The following NDUFA1 variants were observed in gnomAD, a reference collection of about 807,000 sequenced individuals.
The protein encoded by NDUFA1 is NADH dehydrogenase [ubiquinone] 1 alpha subcomplex subunit 1.
For synonymous variants in NDUFA1, 21 were observed against 20.0 expected, an observed-to-expected ratio of 1.05 and a Z score of -0.14; for missense variants, 42 against 56.0, an observed-to-expected ratio of 0.75 and a Z score of 0.80.
chrX:119,872,084 G>A (rs2056415305), intron 1 of NDUFA1, 71 bp downstream of exon 1: 2 of 1,025,745 alleles, frequency 1.9e-6, no homozygotes, highest in Admixed American at 2.2e-5. Context: ...CAGGGAGACC[G>A]TCAGCCTGCG....
chrX:119,876,654 T>A lies in NDUFA1; in HGVS notation c.*120T>A. ...TATGTAGTGCTTAATAAAAATAAAA[T>A]GAAAAAAATGCATTTCTTTTTTTTA... On this transcript the variant is annotated 3_prime_UTR_variant, in exon 3 of 3. Coordinates refer to ENST00000371437, the MANE Select transcript of NDUFA1 (RefSeq NM_004541.4). 1 of 659,977 alleles carries A rather than the reference T, an allele frequency of 1.5e-6. No homozygotes were observed. Among genetic ancestry groups the A allele is most frequent in the Admixed American group, 2.8e-5 (1 of 35,260 alleles). The allele number at this position is 659,977 out of a possible 1,213,427, so 54.4% of individuals were successfully genotyped here. A position where few individuals can be genotyped will look rare whatever the true frequency, so the allele number is the denominator to read the frequency against.
Position 119,876,547 on chromosome X carries a change from C to CTGAT in NDUFA1, c.*18_*21dup, listed in dbSNP as rs1303806818. 1 of 1,205,432 alleles carries CTGAT rather than the reference C, an allele frequency of 8.3e-7. No homozygotes were observed. The highest frequency in any genetic ancestry group is 3.0e-5 in the East Asian group (1 of 33,768). Reference sequence around the variant, plus strand: ...GAACATTGATTAAGGAAGCATTTTCCTGATTGATGAAAAAAATAACTCAGT... The same window carrying CTGAT: ...GAACATTGATTAAGGAAGCATTTTCCTGATTGATTGATGAAAAAAATAACTCAGT... On this transcript the variant is annotated 3_prime_UTR_variant, in exon 3 of 3. Coordinates refer to ENST00000371437, the MANE Select transcript of NDUFA1 (RefSeq NM_004541.4).
intron 1 of NDUFA1, among the ~76,000 whole-genome samples, chrX:119,872,766 C>T (rs1324263696): frequency 9.4e-6 from 1 of 105,963 alleles, no homozygotes; most frequent in African/African-American, 3.5e-5. Context: ...TTGATCCACC[C>T]GCCTTGATCT....
Position 119,871,881 on chromosome X carries a change from G to A in NDUFA1, c.-31G>A, listed in dbSNP as rs187775633. On this transcript the variant is annotated 5_prime_UTR_variant, in exon 1 of 3. Transcript: ENST00000371437. ...CAGGTCACCTTTCAAGGACCCAGAA[G>A]TAGGGTTTTGGCCTAGGTAACGGGG... The A allele has an allele frequency of 1.7e-6, 2 of 1,192,021 alleles. No homozygotes were observed. The highest frequency in any genetic ancestry group is 2.3e-6 in the Non-Finnish European group (2 of 877,472).
Position 119,871,995 on chromosome X carries a change from G to A in NDUFA1, c.84G>A (p.Arg28=), listed in dbSNP as rs1213640127. 33 of 1,210,786 alleles carry A rather than the reference G, an allele frequency of 2.7e-5. No homozygotes were observed. The highest frequency in any genetic ancestry group is 3.6e-5 in the Non-Finnish European group (32 of 894,976). Residue 28 remains arginine, a synonymous_variant, in exon 1 of 3, where the codon AGG becomes AGA. Coordinates refer to ENST00000371437, the MANE Select transcript of NDUFA1 (RefSeq NM_004541.4). The part of the protein sequence containing the change: ...IPGLATAYIH[R]FTNGGKEKRV... ...GACTGGCTACTGCGTACATCCACAGGTTCACTAACGGGGGCAAGGTAAGCC... is the reference window on the plus strand; with the variant it reads ...GACTGGCTACTGCGTACATCCACAGATTCACTAACGGGGGCAAGGTAAGCC...
At position 119,876,575 on chromosome X, in the gene NDUFA1, T is replaced by C. The variant is rs1216635192; in HGVS notation, c.*41T>C. 1.5e-5 allele frequency: 17 copies of C among 1,147,056 alleles called. No individual in the cohort carries two copies. The highest frequency in any genetic ancestry group is 1.9e-5 in the Non-Finnish European group (16 of 837,991). The allele number at this position is 1,147,056 out of a possible 1,213,427, so 94.5% of individuals were successfully genotyped here. ...ATTGATGAAAAAAATAACTCAGTTA[T>C]GGCCATCTACCCCTGCTAGAAGGTT... On this transcript the variant is annotated 3_prime_UTR_variant, in exon 3 of 3. Coordinates refer to ENST00000371437, the MANE Select transcript of NDUFA1 (RefSeq NM_004541.4).
intron 1 of NDUFA1, 51 bp downstream of exon 1, chrX:119,872,064 GGGTGGTGGGCA>G: frequency 8.9e-7 from 1 of 1,125,218 alleles, no homozygotes; most frequent in Non-Finnish European, 1.2e-6. Flanking sequence ...TTTCCGAAAA[GGGTGGTGGGCA>G]GGGAGACCGT....
Position 119,874,828 on chromosome X carries a change from T to A in NDUFA1, c.192+1435T>A, listed in dbSNP as rs1323501739. ...ATCCGCCCACCTCAACCTCCCAAAG[T>A]GTTAGGATTACAGGCGTGAGCCCCT... On this transcript the variant is annotated intron_variant, in intron 2 of 2. Coordinates refer to ENST00000371437, the MANE Select transcript of NDUFA1 (RefSeq NM_004541.4). Among the ~76,000 whole-genome samples the A allele has an allele frequency of 6.2e-5, 7 of 112,289 alleles. No homozygotes were observed. The East Asian group carries it at 2.0e-3, about 31-fold the overall frequency.
chrX:119,872,471 G>C, intron 1 of NDUFA1, among the ~76,000 whole-genome samples: 1 of 109,515 alleles, frequency 9.1e-6, no homozygotes, highest in African/African-American at 3.3e-5. Context: ...TACAAAATTA[G>C]CTGGGCGTGG....
At chrX:119,873,961 G>A (rs1387256500) in intron 2 of NDUFA1, among the ~76,000 whole-genome samples, 1 of 111,346 alleles carries the variant, frequency 9.0e-6, no homozygotes, top group Non-Finnish European at 1.9e-5. Context: ...AGCTGGGACT[G>A]CAGGTGTGCC....
At chrX:119,874,296 A>G (rs1428266733) in intron 2 of NDUFA1, among the ~76,000 whole-genome samples, 8 of 108,051 alleles carry the variant, frequency 7.4e-5, no homozygotes, top group Non-Finnish European at 1.5e-4. Context: ...AAAAAAAAAA[A>G]AAAACCACCA....
chrX:119,875,227 C>T (rs1287555386), intron 2 of NDUFA1, among the ~76,000 whole-genome samples: 1 of 110,281 alleles, frequency 9.1e-6, no homozygotes, highest in African/African-American at 3.3e-5. Context: ...ACAGTTTTAA[C>T]TTCTCTTAAG....
Position 119,871,869 on chromosome X carries a change from A to G in NDUFA1, c.-43A>G, listed in dbSNP as rs890505380. ...GAGAGGCGAAGCCAGGTCACCTTTC[A>G]AGGACCCAGAAGTAGGGTTTTGGCC... On this transcript the variant is annotated 5_prime_UTR_variant, in exon 1 of 3. Coordinates refer to ENST00000371437, the MANE Select transcript of NDUFA1 (RefSeq NM_004541.4). 1 of 1,180,771 alleles carries G rather than the reference A, an allele frequency of 8.5e-7. No homozygotes were observed. The highest frequency in any genetic ancestry group is 1.8e-5 in the African/African-American group (1 of 57,082).
At chrX:119,872,145 C>A in intron 1 of NDUFA1, 132 bp downstream of exon 1, 1 of 623,829 alleles carries the variant, frequency 1.6e-6, no homozygotes, top group East Asian at 3.4e-5. Context: ...GCCTAGAAGC[C>A]GAGGCTTGCG....
intron 1 of NDUFA1, 148 bp downstream of exon 1, chrX:119,872,161 A>G: frequency 1.8e-6 from 1 of 553,939 alleles, no homozygotes; most frequent in Non-Finnish European, 3.0e-6. Flanking sequence ...TTGCGAAACG[A>G]AGCCCGATAG....
In NDUFA1 at chrX:119,875,313, G is replaced by A. The variant is rs184805132; in HGVS notation, c.193-1201G>A. Among the ~76,000 whole-genome samples the A allele has an allele frequency of 3.3e-4, 31 of 93,852 alleles. No homozygotes were observed. The East Asian group carries it at 0.011, about 32-fold the overall frequency. The allele number at this position is 93,852 out of a possible 115,157, so 81.5% of individuals were successfully genotyped here. A position where few individuals can be genotyped will look rare whatever the true frequency, so the allele number is the denominator to read the frequency against. On this transcript the variant is annotated intron_variant, in intron 2 of 2. Transcript: ENST00000371437. Reference sequence around the variant, plus strand: ...ACCTAGAAGAAGTGTCATCACTGATGAGTCTTTTTTTTTTTTTTTTTTTTT... The same window carrying A: ...ACCTAGAAGAAGTGTCATCACTGATAAGTCTTTTTTTTTTTTTTTTTTTTT...
Position 119,871,857 on chromosome X carries a change from A to T in NDUFA1, c.-55A>T. On this transcript the variant is annotated 5_prime_UTR_variant, in exon 1 of 3. Coordinates refer to ENST00000371437, the MANE Select transcript of NDUFA1 (RefSeq NM_004541.4). ...GCTTGCTGGGAAGAGAGGCGAAGCC[A>T]GGTCACCTTTCAAGGACCCAGAAGT... The T allele has an allele frequency of 8.6e-7, 1 of 1,167,049 alleles. No individual in the cohort carries two copies. Among genetic ancestry groups the T allele is most frequent in the Non-Finnish European group, 1.2e-6 (1 of 854,161 alleles).
At chrX:119,875,090 G>A (rs964165509) in intron 2 of NDUFA1, among the ~76,000 whole-genome samples, 8 of 110,795 alleles carry the variant, frequency 7.2e-5, no homozygotes, top group Non-Finnish European at 9.4e-5. Context: ...CTAATCCAAT[G>A]AACATGATAA....
intron 1 of NDUFA1, 141 bp downstream of exon 1, chrX:119,872,154 C>G: frequency 1.8e-6 from 1 of 568,758 alleles, no homozygotes; most frequent in Non-Finnish European, 3.0e-6. Flanking sequence ...CCGAGGCTTG[C>G]GAAACGAAGC....
Sources: gnomAD v4.1 joint callset for allele counts (sites outside exome capture counted in the v4.1 genomes callset) on GRCh38, gnomAD v4.1.1 for gene constraint, MANE v1.5 for transcripts, NCBI Gene and HGNC (gene_info 2026-07-23, HGNC 2026-07-21) for gene names.